ZNF385D: variants seen among roughly 807,000 people sequenced by gnomAD.
ZNF385D encodes zinc finger protein 385D, also known as zinc finger protein 659.
ZNF385D carries 15 observed loss-of-function variants against 35.8 expected under a neutral mutation model. The ratio of observed to expected loss-of-function variants is 0.42; its 90% confidence interval spans 0.28 to 0.64. The LOEUF (loss-of-function observed/expected upper bound fraction) is 0.64, where lower values mean the gene tolerates loss of function less well. Among genes scored for constraint, ZNF385D ranks in the 30% least tolerant of loss-of-function variants. The pLI is 0.23. For synonymous variants in ZNF385D, 212 were observed against 186.8 expected (o/e 1.13, Z -1.10); for missense variants, 474 against 494.6 (o/e 0.96, Z 0.39).
chr3:21,794,489 G>A (rs568363233), intron 3 of ZNF385D, among the ~76,000 whole-genome samples: 46 of 152,206 alleles, frequency 3.0e-4, no homozygotes, highest in Non-Finnish European at 3.2e-4. Context: ...TACACAACAG[G>A]AAGTTATTTC....
chr3:22,073,943 A>G (rs1438103298), intron 3 of ZNF385D, among the ~76,000 whole-genome samples: 3 of 151,950 alleles, frequency 2.0e-5, no homozygotes, highest in African/African-American at 7.2e-5. Context: ...CATGTATTAA[A>G]AGGAACATCA....
chr3:21,751,176 T>G lies in ZNF385D; in HGVS notation c.-260A>C. The G allele has an allele frequency of 1.4e-6, 2 of 1,392,518 alleles. No homozygotes were observed. Among genetic ancestry groups the G allele is most frequent in the Non-Finnish European group, 1.9e-6 (2 of 1,072,850 alleles). 86.3% of individuals were successfully genotyped at this position (1,392,518 alleles called of 1,614,324 possible). On this transcript the variant is annotated 5_prime_UTR_variant, in exon 1 of 8. Coordinates refer to ENST00000281523, the MANE Select transcript of ZNF385D (RefSeq NM_024697.3). ...TCCTTACTGTAATCCGACTCCTCCT[T>G]GCGATGTCCTTGCCGCGCCTGTGAC...
Position 21,703,127 on chromosome 3 carries a change from C to T in ZNF385D, c.23-38099G>A, listed in dbSNP as rs149344483. 9.2e-5 allele frequency among the ~76,000 whole-genome samples: 14 copies of T among 152,154 alleles called. 1 individual carries two copies. In the East Asian group the frequency reaches 2.7e-3, roughly 29 times the overall value. ...GCTGCTGATAAAGACATACCAGAGA[C>T]CAGGAAGAAAAAGAGCTTTAATTGG... On this transcript the variant is annotated intron_variant, in intron 1 of 7. Transcript: ENST00000281523.
intron 2 of ZNF385D, among the ~76,000 whole-genome samples, chr3:22,219,805 T>G (rs1320952008): frequency 6.6e-6 from 1 of 152,176 alleles, no homozygotes; most frequent in Non-Finnish European, 1.5e-5. Context: ...TAATGCTTTG[T>G]CACTAAGTGA....
intron 2 of ZNF385D, among the ~76,000 whole-genome samples, chr3:22,302,905 G>A (rs939519761): frequency 1.3e-5 from 2 of 151,718 alleles, no homozygotes; most frequent in African/African-American, 2.4e-5. Context: ...ATGTCTTTTA[G>A]TAATGATGAC....
At chr3:21,482,518 A>G (rs1704702310) in intron 4 of ZNF385D, among the ~76,000 whole-genome samples, 1 of 152,166 alleles carries the variant, frequency 6.6e-6, no homozygotes. Flanking sequence ...AGGCCAACAG[A>G]AGAAGTACTT....
chr3:22,038,840 C>T (rs375734502), intron 3 of ZNF385D, among the ~76,000 whole-genome samples: 3 of 150,980 alleles, frequency 2.0e-5, no homozygotes, highest in African/African-American at 7.3e-5. Context: ...TGAACATGGT[C>T]ATTATTGTGT....
intron 2 of ZNF385D, among the ~76,000 whole-genome samples, chr3:22,318,598 C>G (rs1024247874): frequency 6.6e-6 from 1 of 152,100 alleles, no homozygotes; most frequent in African/African-American, 2.4e-5. Flanking sequence ...GGCCCACTGC[C>G]TGCATTTTTC....
intron 4 of ZNF385D, among the ~76,000 whole-genome samples, chr3:21,498,945 C>CAAAA (rs35511402): frequency 7.8e-5 from 5 of 64,258 alleles, no homozygotes; most frequent in Middle Eastern, 0.017. Flanking sequence ...GACTCCATCT[C>CAAAA]AAAAAAAAAA....
intron 3 of ZNF385D, among the ~76,000 whole-genome samples, chr3:22,100,560 C>T (rs1194548617): frequency 6.6e-6 from 1 of 151,842 alleles, no homozygotes; most frequent in Admixed American, 6.6e-5. Context: ...TGGAAATCAT[C>T]CTTCTCAGTA....
chr3:22,192,166 G>A (rs938763707), intron 2 of ZNF385D, among the ~76,000 whole-genome samples: 5 of 152,106 alleles, frequency 3.3e-5, no homozygotes, highest in African/African-American at 1.2e-4. Flanking sequence ...TTAGTCCAAA[G>A]GAGGACATAT....
rs73821336 is a variant in ZNF385D at position 22,229,895 on chromosome 3, T to C, written c.107-60860A>G. The stretch of plus-strand genomic sequence containing the variant: ...CTCTCTCTGCCCAACTCTCACTCTC[T>C]GTGGAATTGAGGCTCAACATTGTAC... On this transcript the variant is annotated intron_variant, in intron 2 of 5. Transcript: ENST00000494108. Among the ~76,000 whole-genome samples, 734 of 152,350 alleles carry C rather than the reference T, an allele frequency of 4.8e-3. 4 individuals are homozygous for C. Among genetic ancestry groups the C allele is most frequent in the African/African-American group, 0.017 (708 of 41,594 alleles).
intron 2 of ZNF385D, among the ~76,000 whole-genome samples, chr3:22,237,901 CA>C (rs1376282686): frequency 1.3e-5 from 2 of 150,802 alleles, no homozygotes; most frequent in Admixed American, 1.3e-4. Context: ...CACAACCTCC[CA>C]AAGTGCTGGC....
chr3:21,669,929 C>G (rs1295496797), intron 1 of ZNF385D, among the ~76,000 whole-genome samples: 1 of 151,852 alleles, frequency 6.6e-6, no homozygotes, highest in Admixed American at 6.6e-5. Context: ...CTCCATAATA[C>G]AACGCTTTTA....
chr3:21,715,462 G>T (rs572108902), intron 1 of ZNF385D, among the ~76,000 whole-genome samples: 1 of 152,182 alleles, frequency 6.6e-6, no homozygotes, highest in African/African-American at 2.4e-5. Context: ...GTATTCCATT[G>T]TATAGGTATA....
rs928807553 is a variant in ZNF385D, at chr3:21,950,627, C to T, written c.325+218190G>A. ...TAGTCATGAAGTCTTTGCCCATGCCCATGTCCTAAATGGTATTGCCTAGGT... is the reference window on the plus strand; with the variant it reads ...TAGTCATGAAGTCTTTGCCCATGCCTATGTCCTAAATGGTATTGCCTAGGT... On this transcript the variant is annotated intron_variant, in intron 3 of 5. Coordinates refer to the ZNF385D transcript ENST00000494108. 5.4e-4 allele frequency among the ~76,000 whole-genome samples: 82 copies of T among 151,740 alleles called. 2 individuals are homozygous for T. Among genetic ancestry groups the T allele is most frequent in the African/African-American group, 1.8e-3 (74 of 41,126 alleles).
intron 3 of ZNF385D, among the ~76,000 whole-genome samples, chr3:21,534,686 C>T (rs1250402245): frequency 6.6e-6 from 1 of 152,092 alleles, no homozygotes; most frequent in Non-Finnish European, 1.5e-5. Context: ...CTTACAGCAG[C>T]TGTTGGAAAG....
chr3:21,746,471 A>G (rs1036448654), intron 1 of ZNF385D, among the ~76,000 whole-genome samples: 2 of 152,222 alleles, frequency 1.3e-5, no homozygotes, highest in African/African-American at 4.8e-5. Flanking sequence ...GTTATCTTAG[A>G]TTTCAGGTTC....
At chr3:21,521,277 C>A (rs893108871) in intron 3 of ZNF385D, among the ~76,000 whole-genome samples, 1 of 152,146 alleles carries the variant, frequency 6.6e-6, no homozygotes, top group African/African-American at 2.4e-5. Context: ...GAGAACAAGA[C>A]CACAAGTAAC....
Sources: allele counts gnomAD v4.1 joint callset (sites outside exome capture counted in the v4.1 genomes callset), GRCh38; gene constraint gnomAD v4.1.1; transcripts MANE v1.5; gene names NCBI Gene and HGNC (gene_info 2026-07-23, HGNC 2026-07-21).